The following FGF7 variants were observed in gnomAD, a reference collection of about 807,000 sequenced individuals.
FGF7 encodes FGF-7.
FGF7 carries 6 observed loss-of-function variants against 20.5 expected under a neutral mutation model. That is an observed-to-expected ratio of 0.29 (90% CI 0.16 to 0.58). The LOEUF (loss-of-function observed/expected upper bound fraction) is 0.58. Among genes scored for constraint, FGF7 ranks in the 20% least tolerant of loss-of-function variants. The pLI is 0.90. For missense variants in FGF7, 144 were observed against 228.8 expected, an observed-to-expected ratio of 0.63 and a Z score of 2.39; for synonymous variants, 64 against 74.7, an observed-to-expected ratio of 0.86 and a Z score of 0.74.
intron 2 of FGF7, among the ~76,000 whole-genome samples, chr15:49,478,134 T>C (rs2055534874): frequency 6.6e-6 from 1 of 152,146 alleles, no homozygotes; most frequent in South Asian, 2.1e-4. Context: ...AAGTACCCAG[T>C]GTTTAGCTCC....
intron 2 of FGF7, among the ~76,000 whole-genome samples, chr15:49,482,915 G>T (rs920139031): frequency 1.4e-4 from 21 of 151,822 alleles, no homozygotes; most frequent in Non-Finnish European, 2.4e-4. Context: ...CTATTTATTT[G>T]ATACAGACAC....
chr15:49,431,540 A>T (rs1168995377), intron 2 of FGF7, among the ~76,000 whole-genome samples: 3 of 151,718 alleles, frequency 2.0e-5, no homozygotes, highest in Non-Finnish European at 2.9e-5. Flanking sequence ...GAGGAAAAAA[A>T]TTTGATGTAT....
intron 2 of FGF7, among the ~76,000 whole-genome samples, chr15:49,447,676 G>T (rs2052351078): frequency 6.6e-6 from 1 of 151,648 alleles, no homozygotes; most frequent in African/African-American, 2.4e-5. Context: ...TGAAGAAGAT[G>T]ATTTGGGTAA....
At chr15:49,459,613 G>A (rs1019851373) in intron 2 of FGF7, among the ~76,000 whole-genome samples, 1 of 151,888 alleles carries the variant, frequency 6.6e-6, no homozygotes, top group African/African-American at 2.4e-5. Flanking sequence ...TTGCTTTTAT[G>A]TAAATTTATA....
In FGF7 at chr15:49,443,544, T is replaced by C. The variant is rs1034884164; in HGVS notation, c.286+18961T>C. ...AATGTAGATTAAACTTAAGGTTTAG[T>C]GTCTATAACTGTTTCATTGTGAATA... On this transcript the variant is annotated intron_variant, in intron 2 of 3. Transcript: ENST00000267843. Among the ~76,000 whole-genome samples the C allele has an allele frequency of 5.9e-5, 9 of 151,830 alleles. 1 individual carries two copies. The highest frequency in any genetic ancestry group is 2.2e-4 in the African/African-American group (9 of 41,492).
At chr15:49,456,687 C>G (rs182375546) in intron 2 of FGF7, among the ~76,000 whole-genome samples, 12 of 152,030 alleles carry the variant, frequency 7.9e-5, no homozygotes, top group African/African-American at 2.9e-4. Context: ...GTCAGAGATA[C>G]TTTATTTTGT....
At chr15:49,440,937 G>GA (rs1321464068) in intron 2 of FGF7, among the ~76,000 whole-genome samples, 1 of 151,682 alleles carries the variant, frequency 6.6e-6, no homozygotes, top group African/African-American at 2.4e-5. Context: ...GGTTTAGATG[G>GA]AAAAAACTGT....
chr15:49,460,650 T>C (rs1355645099), intron 2 of FGF7, among the ~76,000 whole-genome samples: 5 of 152,168 alleles, frequency 3.3e-5, no homozygotes, highest in Admixed American at 1.3e-4. Context: ...CCCACACACA[T>C]TGTATTCATT....
chr15:49,458,813 A>T (rs560223034), intron 2 of FGF7, among the ~76,000 whole-genome samples: 2 of 152,296 alleles, frequency 1.3e-5, no homozygotes, highest in East Asian at 3.9e-4. Flanking sequence ...ACAAAAAATA[A>T]GTCTTGCAGA....
intron 2 of FGF7, among the ~76,000 whole-genome samples, chr15:49,471,533 A>AATAAT (rs2054763911): frequency 1.4e-5 from 2 of 146,762 alleles, no homozygotes; most frequent in South Asian, 4.3e-4. Context: ...TAATAATAAT[A>AATAAT]TGGCAAATGT....
chr15:49,486,655 G>T lies in FGF7; in HGVS notation c.*2151G>T, dbSNP rs766720527. 5.3e-5 allele frequency: 8 copies of T among 151,916 alleles called. No individual in the cohort carries two copies. Among genetic ancestry groups the T allele is most frequent in the African/African-American group, 1.9e-4 (8 of 41,400 alleles). 9.4% of individuals were successfully genotyped at this position (151,916 alleles called of 1,614,324 possible). On this transcript the variant is annotated 3_prime_UTR_variant, in exon 4 of 4. Coordinates refer to ENST00000267843, the MANE Select transcript of FGF7 (RefSeq NM_002009.4). ...GCTATGTTAGGACCAAATGCTCTTT[G>T]TCTATGGAGTTATACTTCCATCAAA...
intron 2 of FGF7, among the ~76,000 whole-genome samples, chr15:49,428,795 G>A (rs1033890968): frequency 1.3e-5 from 2 of 151,924 alleles, no homozygotes; most frequent in African/African-American, 4.8e-5. Context: ...TGATTATAAT[G>A]AAGCACTGTT....
intron 2 of FGF7, among the ~76,000 whole-genome samples, chr15:49,477,280 G>A (rs2055430645): frequency 6.6e-6 from 1 of 152,152 alleles, no homozygotes; most frequent in Non-Finnish European, 1.5e-5. Context: ...CACTATTACA[G>A]TATTACGCAG....
At chr15:49,478,609 C>T (rs12593151) in intron 2 of FGF7, among the ~76,000 whole-genome samples, 38,564 of 151,908 alleles carry the variant, frequency 0.25, 5,752 homozygotes, top group Non-Finnish European at 0.35. Context: ...TATATTTGAT[C>T]AAGGACAAGA....
chr15:49,471,393 G>C (rs1275512500), intron 2 of FGF7, among the ~76,000 whole-genome samples: 1 of 151,590 alleles, frequency 6.6e-6, no homozygotes, highest in Admixed American at 6.6e-5. Flanking sequence ...TGAAGGAGGA[G>C]AATTGCTTGA....
At chr15:49,450,381 G>T (rs1567299067) in intron 2 of FGF7, among the ~76,000 whole-genome samples, 1 of 151,944 alleles carries the variant, frequency 6.6e-6, no homozygotes, top group South Asian at 2.1e-4. Flanking sequence ...CACTGATTAT[G>T]TTGCTAAAGA....
chr15:49,460,352 G>A (rs2053681933), intron 2 of FGF7, among the ~76,000 whole-genome samples: 1 of 152,168 alleles, frequency 6.6e-6, no homozygotes, highest in Admixed American at 6.6e-5. Flanking sequence ...GGAAGGTGAA[G>A]TTTGATTTTA....
chr15:49,432,301 C>T (rs186005348), intron 2 of FGF7, among the ~76,000 whole-genome samples: 101 of 151,624 alleles, frequency 6.7e-4, no homozygotes, highest in African/African-American at 2.4e-3. Flanking sequence ...ACACTAGTGC[C>T]CCCTGAGATA....
chr15:49,429,856 G>C (rs777693182), intron 2 of FGF7, among the ~76,000 whole-genome samples: 10 of 151,892 alleles, frequency 6.6e-5, no homozygotes, highest in Non-Finnish European at 1.3e-4. Context: ...ACAAAGGTGG[G>C]AAGGACCAGG....
Sources: allele counts gnomAD v4.1 joint callset (sites outside exome capture counted in the v4.1 genomes callset), GRCh38; gene constraint gnomAD v4.1.1; transcripts MANE v1.5; gene names NCBI Gene and HGNC (gene_info 2026-07-23, HGNC 2026-07-21).